The following NUP160 variants were observed in gnomAD, a reference collection of about 807,000 sequenced individuals.
NUP160 encodes nucleoporin 160, also known as nuclear pore complex protein Nup160.
Under a neutral mutation model 196.9 loss-of-function variants are expected in NUP160, and 94 were observed. The observed-to-expected ratio is 0.48, with a 90% CI of 0.40 to 0.57. NUP160 has a LOEUF of 0.57. Ranked by LOEUF, NUP160 falls within the 20% of genes least tolerant of loss-of-function variation. NUP160 has a pLI of 0.00. For missense variants in NUP160, 1,638 were observed against 1,748.3 expected (o/e 0.94, Z 1.13); for synonymous variants, 605 against 619.7 (o/e 0.98, Z 0.35).
intron 33 of NUP160, among the ~76,000 whole-genome samples, chr11:47,783,969 C>T (rs1413256591): frequency 2.0e-5 from 3 of 150,968 alleles, no homozygotes; most frequent in Non-Finnish European, 4.4e-5. Context: ...GCTGGGTTTA[C>T]AGGCGTGAGT....
At chr11:47,787,174 G>A (rs997826678) in intron 31 of NUP160, 4 of 147,208 alleles carry the variant, frequency 2.7e-5, no homozygotes, top group Non-Finnish European at 5.9e-5. Flanking sequence ...TGTAACCTCC[G>A]TCTCCCAGGC....
At chr11:47,833,559 A>G (rs1852115577) in intron 7 of NUP160, among the ~76,000 whole-genome samples, 1 of 152,224 alleles carries the variant, frequency 6.6e-6, no homozygotes, top group South Asian at 2.1e-4. Context: ...AGTGAAAACT[A>G]TGATTTCAGA....
At chr11:47,811,981 T>A in intron 17 of NUP160, 83 bp downstream of exon 17, 2 of 1,258,606 alleles carry the variant, frequency 1.6e-6, no homozygotes, top group Non-Finnish European at 1.1e-6. Flanking sequence ...TCTGTGCTAG[T>A]AGGGCTGACA....
intron 2 of NUP160, among the ~76,000 whole-genome samples, chr11:47,846,238 A>C (rs1008206076): frequency 3.9e-5 from 6 of 152,082 alleles, no homozygotes; most frequent in Non-Finnish European, 7.4e-5. Context: ...CAGCCCCCCA[A>C]AGTGCTGGGA....
At chr11:47,787,746 C>T (rs2097665498) in intron 31 of NUP160, among the ~76,000 whole-genome samples, 1 of 151,712 alleles carries the variant, frequency 6.6e-6, no homozygotes, top group Admixed American at 6.6e-5. Flanking sequence ...GAGACAGAGT[C>T]TCGCTCTGTC....
chr11:47,795,877 C>A (rs982931602), intron 27 of NUP160, among the ~76,000 whole-genome samples: 1 of 152,002 alleles, frequency 6.6e-6, no homozygotes, highest in African/African-American at 2.4e-5. Context: ...ATTGGCCAGG[C>A]GCAGTGGCTC....
chr11:47,838,503 T>C (rs1000426886), intron 4 of NUP160, among the ~76,000 whole-genome samples: 3 of 151,730 alleles, frequency 2.0e-5, no homozygotes, highest in South Asian at 2.1e-4. Flanking sequence ...AGGTCAGGAG[T>C]TCGAGACCAG....
At chr11:47,840,261 G>C (rs987137489) in intron 3 of NUP160, 117 bp downstream of exon 3, 1 of 937,198 alleles carries the variant, frequency 1.1e-6, no homozygotes, top group Non-Finnish European at 1.7e-6. Flanking sequence ...AGTATGCTTG[G>C]TGAGGGATAA....
At position 47,837,485 on chromosome 11, in the gene NUP160, G is replaced by A. The variant is rs1448554158; in HGVS notation, c.827+60C>T. Reference sequence around the variant, plus strand: ...AATAAGACTGGAAACAATAACTGCCGACCAGTGCAAAAAGATTAAATTCTT... The same window carrying A: ...AATAAGACTGGAAACAATAACTGCCAACCAGTGCAAAAAGATTAAATTCTT... On this transcript the variant is annotated intron_variant, in intron 5 of 35. Coordinates refer to ENST00000378460, the Ensembl canonical transcript of NUP160. The A allele has an allele frequency of 2.0e-5, 26 of 1,268,904 alleles. 1 individual carries two copies. The highest frequency in any genetic ancestry group is 1.9e-4 in the Middle Eastern group (1 of 5,394). The allele number at this position is 1,268,904 out of a possible 1,614,324, so 78.6% of individuals were successfully genotyped here. A position where few individuals can be genotyped will look rare whatever the true frequency, so the allele number is the denominator to read the frequency against.
At position 47,779,436 on chromosome 11, in the gene NUP160, C is replaced by T. The variant is rs185560411; in HGVS notation, c.4222-242G>A. 1.0e-4 allele frequency: 49 copies of T among 482,328 alleles called. 1 individual carries two copies. Among genetic ancestry groups the T allele is most frequent in the South Asian group, 6.2e-4 (32 of 51,544 alleles). 29.9% of individuals were successfully genotyped at this position (482,328 alleles called of 1,614,324 possible). ...GAATGAATTTTCTAAGTATGGAAAT[C>T]GTACCAGTATTTCTAATAAAAGGAT... On this transcript the variant is annotated intron_variant, in intron 35 of 35. Transcript: ENST00000378460.
intron 23 of NUP160, among the ~76,000 whole-genome samples, chr11:47,801,480 G>A (rs533343085): frequency 4.2e-4 from 64 of 152,104 alleles, no homozygotes; most frequent in African/African-American, 1.5e-3. Flanking sequence ...CTCCCAAGTA[G>A]GTGGGATTAC....
At chr11:47,827,593 C>T (rs1851997437) in intron 7 of NUP160, among the ~76,000 whole-genome samples, 2 of 150,942 alleles carry the variant, frequency 1.3e-5, no homozygotes, top group Admixed American at 6.6e-5. Flanking sequence ...CCCGTGGTCC[C>T]GGCAACTCTA....
At chr11:47,797,982 T>C in exon 26 of NUP160, 2 of 1,572,046 alleles carry the variant, frequency 1.3e-6, no homozygotes, top group South Asian at 1.1e-5. Flanking sequence ...AATTACCTCA[T>C]TATGCAGATT....
At chr11:47,819,285 C>G (rs1851804101) in intron 10 of NUP160, 89 bp downstream of exon 10, 2 of 911,644 alleles carry the variant, frequency 2.2e-6, no homozygotes, top group Admixed American at 1.9e-5. Flanking sequence ...TGTACCCCAG[C>G]CTGGGCCACA....
intron 17 of NUP160, among the ~76,000 whole-genome samples, chr11:47,808,965 G>C (rs915867051): frequency 6.6e-6 from 1 of 152,060 alleles, no homozygotes; most frequent in African/African-American, 2.4e-5. Context: ...GCCAGGCATG[G>C]TGGTGGGCGC....
intron 7 of NUP160, among the ~76,000 whole-genome samples, chr11:47,834,048 G>A (rs1303595455): frequency 6.6e-6 from 1 of 152,186 alleles, no homozygotes; most frequent in Non-Finnish European, 1.5e-5. Flanking sequence ...TGGACATGGA[G>A]GTGAGGTGGT....
At chr11:47,798,995 C>G (rs1286212180) in intron 23 of NUP160, among the ~76,000 whole-genome samples, 1 of 149,054 alleles carries the variant, frequency 6.7e-6, no homozygotes, top group Non-Finnish European at 1.5e-5. Flanking sequence ...TACGATTTCA[C>G]TACTAACTGT....
intron 7 of NUP160, among the ~76,000 whole-genome samples, chr11:47,835,229 G>A (rs1170263164): frequency 2.0e-5 from 3 of 152,146 alleles, no homozygotes; most frequent in African/African-American, 7.2e-5. Context: ...AACACACAAT[G>A]CTCAACAAAT....
rs539528010 is a variant in NUP160, at chr11:47,795,279, C to T, written c.3290-2333G>A. ...TTCAACAAATATTTTTGAATACCTG[C>T]AATATGTAAGGCGCTTTCAGAAGAA... On this transcript the variant is annotated intron_variant, in intron 27 of 35. Coordinates refer to ENST00000378460, the Ensembl canonical transcript of NUP160. 3.3e-5 allele frequency among the ~76,000 whole-genome samples: 5 copies of T among 152,218 alleles called. No individual in the cohort carries two copies. The South Asian group carries it at 8.3e-4, about 25-fold the overall frequency.
Sources: allele counts gnomAD v4.1 joint callset (sites outside exome capture counted in the v4.1 genomes callset), GRCh38; gene constraint gnomAD v4.1.1; transcripts MANE v1.5; gene names NCBI Gene and HGNC (gene_info 2026-07-23, HGNC 2026-07-21).